SEMA6D: variants seen among roughly 807,000 people sequenced by gnomAD.
SEMA6D encodes the protein semaphorin 6D, also known as semaphorin-6D.
Under a neutral mutation model 106.6 loss-of-function variants are expected in SEMA6D, and 35 were observed. The ratio of observed to expected loss-of-function variants is 0.33; its 90% confidence interval spans 0.25 to 0.44. SEMA6D has a LOEUF of 0.44. SEMA6D is among the 20% of genes least tolerant of loss of function. SEMA6D has a pLI of 1.00. For synonymous variants in SEMA6D, 499 were observed against 487.7 expected, an observed-to-expected ratio of 1.02 and a Z score of -0.31; for missense variants, 1,185 against 1,345.9, an observed-to-expected ratio of 0.88 and a Z score of 1.87.
At chr15:47,649,552 G>A (rs2077645998) in intron 4 of SEMA6D, among the ~76,000 whole-genome samples, 2 of 152,194 alleles carry the variant, frequency 1.3e-5, no homozygotes, top group Admixed American at 6.5e-5. Flanking sequence ...TGAAGCCAGA[G>A]GATCGCTTGA....
At chr15:47,570,728 G>T (rs1159821069) in intron 3 of SEMA6D, among the ~76,000 whole-genome samples, 1 of 152,158 alleles carries the variant, frequency 6.6e-6, no homozygotes, top group Non-Finnish European at 1.5e-5. Flanking sequence ...AGTCCAGGAG[G>T]CTGTTCCTCA....
chr15:47,744,467 G>A (rs2081003797), intron 1 of SEMA6D, among the ~76,000 whole-genome samples: 1 of 152,064 alleles, frequency 6.6e-6, no homozygotes, highest in Admixed American at 6.5e-5. Context: ...AAAGATATTG[G>A]ACATGATCTG....
At chr15:47,360,632 G>T (rs566870153) in intron 1 of SEMA6D, among the ~76,000 whole-genome samples, 12 of 152,246 alleles carry the variant, frequency 7.9e-5, no homozygotes, top group African/African-American at 2.9e-4. Flanking sequence ...TCCTGTTTCA[G>T]GAAAACTCAA....
chr15:47,259,015 C>T (rs2033944104), intron 1 of SEMA6D, among the ~76,000 whole-genome samples: 1 of 151,910 alleles, frequency 6.6e-6, no homozygotes, highest in African/African-American at 2.4e-5. Flanking sequence ...GGGTAGCCCC[C>T]TGGGTATTAC....
At position 47,446,542 on chromosome 15, in the gene SEMA6D, ATCAC is replaced by A. The variant is rs1169727700; in HGVS notation, c.-158-23926_-158-23923del. Among the ~76,000 whole-genome samples the A allele has an allele frequency of 2.6e-4, 39 of 152,286 alleles. 1 individual carries two copies. The highest frequency in any genetic ancestry group is 7.4e-5 in the Non-Finnish European group (5 of 68,010). ...GCAAATGTATGTTTAAACTCTGGTGATCACTCACTATCATAATCCAGTGGCAGGC... is the reference window on the plus strand; with the variant it reads ...GCAAATGTATGTTTAAACTCTGGTGATCACTATCATAATCCAGTGGCAGGC... On this transcript the variant is annotated intron_variant, in intron 2 of 19. Coordinates refer to the SEMA6D transcript ENST00000558014.
intron 1 of SEMA6D, among the ~76,000 whole-genome samples, chr15:47,241,857 G>A (rs766615498): frequency 7.9e-5 from 12 of 152,086 alleles, no homozygotes; most frequent in Non-Finnish European, 1.6e-4. Flanking sequence ...GTAGGGGCAG[G>A]TTGCATAGAA....
chr15:47,266,835 T>A (rs1490845555), intron 1 of SEMA6D, among the ~76,000 whole-genome samples: 7 of 152,124 alleles, frequency 4.6e-5, no homozygotes, highest in African/African-American at 1.7e-4. Flanking sequence ...AAGGAGAAGA[T>A]TCTTGTTCAA....
At chr15:47,575,095 C>G (rs1317783830) in intron 3 of SEMA6D, among the ~76,000 whole-genome samples, 5 of 152,170 alleles carry the variant, frequency 3.3e-5, no homozygotes, top group African/African-American at 7.2e-5. Flanking sequence ...GATCAGATCA[C>G]TGAGCTGATG....
intron 3 of SEMA6D, among the ~76,000 whole-genome samples, chr15:47,554,504 G>A (rs2045859882): frequency 6.6e-6 from 1 of 152,240 alleles, no homozygotes; most frequent in South Asian, 2.1e-4. Context: ...CAGCACAGAT[G>A]ATCCTGGCCT....
At chr15:47,613,262 T>G (rs2143936105) in intron 4 of SEMA6D, among the ~76,000 whole-genome samples, 1 of 152,328 alleles carries the variant, frequency 6.6e-6, no homozygotes, top group South Asian at 2.1e-4. Flanking sequence ...GAGCCTCATT[T>G]ATTCATTCAT....
intron 1 of SEMA6D, among the ~76,000 whole-genome samples, chr15:47,351,152 C>G (rs559727187): frequency 3.9e-4 from 60 of 152,154 alleles, no homozygotes; most frequent in Non-Finnish European, 2.1e-4. Flanking sequence ...AGAAAATGTT[C>G]TTTCTCCTCA....
chr15:47,544,757 G>A (rs1470872799), intron 3 of SEMA6D, among the ~76,000 whole-genome samples: 1 of 150,790 alleles, frequency 6.6e-6, no homozygotes, highest in Non-Finnish European at 1.5e-5. Context: ...ACAACTTTAG[G>A]GGAATCAGAA....
intron 1 of SEMA6D, among the ~76,000 whole-genome samples, chr15:47,407,403 C>CAAAAAAAAAAA (rs1462088729): frequency 1.2e-4 from 10 of 82,244 alleles, no homozygotes; most frequent in Non-Finnish European, 2.0e-4. Context: ...ACAACAACAA[C>CAAAAAAAAAAA]AACAACAAAA....
At chr15:47,279,857 T>G (rs2035025800) in intron 1 of SEMA6D, among the ~76,000 whole-genome samples, 1 of 150,076 alleles carries the variant, frequency 6.7e-6, no homozygotes, top group Non-Finnish European at 1.5e-5. Context: ...TGAACCAGCC[T>G]TGCATCCCAG....
intron 1 of SEMA6D, among the ~76,000 whole-genome samples, chr15:47,204,648 A>G (rs1449851155): frequency 6.6e-6 from 1 of 151,908 alleles, no homozygotes; most frequent in Non-Finnish European, 1.5e-5. Context: ...AGAAATCTCA[A>G]CTCTCACCTG....
intron 3 of SEMA6D, among the ~76,000 whole-genome samples, chr15:47,495,019 A>G (rs894839790): frequency 1.3e-5 from 2 of 151,402 alleles, no homozygotes; most frequent in Non-Finnish European, 3.0e-5. Context: ...CCATACCAGT[A>G]TCTCAAGGGA....
chr15:47,768,697 G>A lies in SEMA6D; in HGVS notation c.1882G>A (p.Asp628Asn). ...LTSSRKFVVQDDPNTSDFTDP... is the reference protein window; with the variant it reads ...LTSSRKFVVQNDPNTSDFTDP... ...AAGCTCTCGGAAATTTGTAGTTCAA[G>A]ATGATCCAAACACTTCTGATTTTAC... Residue 628 changes from aspartate (D) to asparagine (N), a missense_variant, in exon 18 of 19, where the codon GAT (aspartate) becomes AAT (asparagine). Asp to Asn is a conservative substitution (Grantham distance 23). Coordinates refer to ENST00000536845, the MANE Select transcript of SEMA6D (RefSeq NM_001358351.3). The A allele has an allele frequency of 6.2e-7, 1 of 1,613,626 alleles. No individual in the cohort carries two copies. The highest frequency in any genetic ancestry group is 8.5e-7 in the Non-Finnish European group (1 of 1,179,654).
intron 3 of SEMA6D, among the ~76,000 whole-genome samples, chr15:47,581,687 A>T (rs2076257067): frequency 6.6e-6 from 1 of 152,202 alleles, no homozygotes; most frequent in Admixed American, 6.5e-5. Flanking sequence ...GGGGGTTGGG[A>T]ACAGTAGCTG....
intron 1 of SEMA6D, among the ~76,000 whole-genome samples, chr15:47,305,199 T>G (rs114725952): frequency 6.6e-6 from 1 of 152,180 alleles, no homozygotes; most frequent in Non-Finnish European, 1.5e-5. Flanking sequence ...CTTTTAAAAT[T>G]TGGCCAACTG....
Sources: gnomAD v4.1 joint callset for allele counts (sites outside exome capture counted in the v4.1 genomes callset) on GRCh38, gnomAD v4.1.1 for gene constraint, MANE v1.5 for transcripts, NCBI Gene and HGNC (gene_info 2026-07-23, HGNC 2026-07-21) for gene names.